CYLD: variants seen among roughly 807,000 people sequenced by gnomAD.
CYLD encodes ubiquitin carboxyl-terminal hydrolase CYLD.
In CYLD, 26 loss-of-function variants were observed where a neutral mutation model predicts 104.5. That is an observed-to-expected ratio of 0.25 (90% CI 0.18 to 0.35). The LOEUF (loss-of-function observed/expected upper bound fraction) is 0.35, where lower values mean the gene tolerates loss of function less well. CYLD is among the 10% of genes least tolerant of loss of function. CYLD has a pLI of 1.00. For synonymous variants in CYLD, 385 were observed against 399.9 expected (o/e 0.96, Z 0.45); for missense variants, 703 against 1,136.1 (o/e 0.62, Z 5.48).
In CYLD at chr16:50,794,493, G is replaced by A; in HGVS notation, c.2686+65G>A. On this transcript the variant is annotated intron_variant, in intron 18 of 18. Transcript: ENST00000427738. The surrounding 1 kb of genome is among the most constrained non-coding windows in gnomAD (Gnocchi z 4.1). The stretch of plus-strand genomic sequence containing the variant: ...CTGGTTTGTAGTGGGACAGTTTGTA[G>A]TGGGATCGCCTGTTCTGAGTGATAT... 7.0e-7 allele frequency: 1 copy of A among 1,425,516 alleles called. No homozygotes were observed. Among genetic ancestry groups the A allele is most frequent in the African/African-American group, 1.4e-5 (1 of 71,134 alleles). The allele number at this position is 1,425,516 out of a possible 1,614,324, so 88.3% of individuals were successfully genotyped here.
intron 7 of CYLD, among the ~76,000 whole-genome samples, chr16:50,776,946 G>A (rs558763849): frequency 1.3e-5 from 2 of 152,280 alleles, no homozygotes; most frequent in South Asian, 2.1e-4. Context: ...TGACATTGGG[G>A]CCTGGGAGAC....
At chr16:50,752,775 T>G (rs1190143620) in intron 4 of CYLD, among the ~76,000 whole-genome samples, 2 of 152,222 alleles carry the variant, frequency 1.3e-5, no homozygotes, top group African/African-American at 4.8e-5. Flanking sequence ...ACATTTGACC[T>G]TTTGTTTGTG....
rs1211104702 is a variant in CYLD, at chr16:50,794,234, T to G, written c.2492T>G (p.Leu831Arg). Residue 831 changes from leucine to arginine, a missense_variant, in exon 18 of 19, where the codon CTG becomes CGG. This residue lies in a region of CYLD where 130 missense variants were observed against 220.2 expected (regional missense o/e 0.59). Coordinates refer to ENST00000427738, the MANE Select transcript of CYLD (RefSeq NM_001378743.1). The surrounding 1 kb of genome is among the most constrained non-coding windows in gnomAD (Gnocchi z 4.1). The part of the protein sequence containing the change: ...NTQVHLHPKR[L>R]NHKYNPVSLP... ...TAGGTCCACCTTCATCCGAAGAGGC[T>G]GAATCATAAATATAACCCAGTGTCA... 6.2e-7 allele frequency: 1 copy of G among 1,614,190 alleles called. No individual in the cohort carries two copies. The highest frequency in any genetic ancestry group is 2.2e-5 in the East Asian group (1 of 44,880).
At chr16:50,744,316 C>G (rs1314153388) in intron 2 of CYLD, among the ~76,000 whole-genome samples, 1 of 152,008 alleles carries the variant, frequency 6.6e-6, no homozygotes, top group Non-Finnish European at 1.5e-5. Flanking sequence ...ATCTCTGTAT[C>G]TCTATTCTTT....
In CYLD at chr16:50,754,429, G is replaced by T. The variant is rs200435608; in HGVS notation, c.913+5G>T. The T allele has an allele frequency of 1.2e-4, 187 of 1,567,554 alleles. No individual in the cohort carries two copies. Among genetic ancestry groups the T allele is most frequent in the Admixed American group, 1.8e-4 (11 of 59,812 alleles). On this transcript the variant is annotated splice_donor_5th_base_variant and intron_variant, in intron 5 of 18. Transcript: ENST00000427738. ...ACATCAATGATATCATCCCAGGTAT[G>T]TTTTCTTTGTTTTATACATTTATAA...
chr16:50,800,110 T>C lies in CYLD; in HGVS notation c.*3602T>C, dbSNP rs989736778. 2 of 233,098 alleles carry C rather than the reference T, an allele frequency of 8.6e-6. No homozygotes were observed. The highest frequency in any genetic ancestry group is 1.7e-5 in the Non-Finnish European group (2 of 118,018). The allele number at this position is 233,098 out of a possible 1,614,324, so 14.4% of individuals were successfully genotyped here. On this transcript the variant is annotated 3_prime_UTR_variant, in exon 19 of 19. Coordinates refer to ENST00000427738, the MANE Select transcript of CYLD (RefSeq NM_001378743.1). ...CTAGCCCTGTTTCTGTCACTTGCTC[T>C]GTACACTTAGACAACAGCTTGACCT...
intron 14 of CYLD, among the ~76,000 whole-genome samples, chr16:50,789,512 C>T (rs896004124): frequency 2.6e-5 from 4 of 152,008 alleles, no homozygotes; most frequent in African/African-American, 7.3e-5. Flanking sequence ...AGTCTGAATG[C>T]CTTGTGGGAC....
chr16:50,755,125 A>G (rs193182654), intron 5 of CYLD, among the ~76,000 whole-genome samples: 35 of 44,608 alleles, frequency 7.8e-4, no homozygotes, highest in East Asian at 6.3e-3. Flanking sequence ...ACACATGTGT[A>G]TATATACACA....
chr16:50,778,141 A>C (rs1969871165), intron 8 of CYLD, 200 bp downstream of exon 8: 2 of 517,552 alleles, frequency 3.9e-6, no homozygotes, highest in Admixed American at 6.6e-5. Context: ...GAAATGTATT[A>C]GTAATTTGTT....
chr16:50,756,983 C>T (rs756327701), intron 5 of CYLD, among the ~76,000 whole-genome samples: 1 of 152,162 alleles, frequency 6.6e-6, no homozygotes, highest in Non-Finnish European at 1.5e-5. Flanking sequence ...GAAAACCATA[C>T]TTCTCAGTCT....
chr16:50,791,582 T>C lies in CYLD; in HGVS notation c.2133T>C (p.Asp711=), dbSNP rs1971437053. 6.2e-7 allele frequency: 1 copy of C among 1,613,882 alleles called. No homozygotes were observed. Among genetic ancestry groups the C allele is most frequent in the Non-Finnish European group, 8.5e-7 (1 of 1,179,840 alleles). ...KIRSAGQKVQ[D]CYFYQIFMEK... is the part of the protein sequence containing the mutation. ...GATCAGCAGGTCAAAAGGTACAAGATTGTTACTTCTATCAAATTTTTATGG... is the reference window on the plus strand; with the variant it reads ...GATCAGCAGGTCAAAAGGTACAAGACTGTTACTTCTATCAAATTTTTATGG... Residue 711 remains aspartate, a synonymous_variant, in exon 15 of 19, where the codon GAT becomes GAC. Coordinates refer to ENST00000427738, the MANE Select transcript of CYLD (RefSeq NM_001378743.1).
rs1597042325 is a variant in CYLD, at chr16:50,776,265, C to T, written c.1009C>T (p.Pro337Ser). ...GDKGSSSHNK[P>S]KATGSTSDPG... ...CAAAGGTTCATCCAGTCATAATAAA[C>T]CAAAGGCTACAGGTATGGATTAATA... Residue 337 changes from proline to serine, a missense_variant, in exon 7 of 19, where the codon CCA (proline) becomes TCA (serine). Pro to Ser is a moderately conservative substitution (Grantham distance 74). Transcript: ENST00000427738. The T allele has an allele frequency of 2.5e-6, 4 of 1,611,864 alleles. No homozygotes were observed. In the East Asian group the frequency reaches 8.9e-5, roughly 36 times the overall value.
At chr16:50,748,067 G>A (rs1966340497) in intron 2 of CYLD, among the ~76,000 whole-genome samples, 1 of 152,118 alleles carries the variant, frequency 6.6e-6, no homozygotes, top group African/African-American at 2.4e-5. Flanking sequence ...CTAAAATTTG[G>A]TTCTTTAGGA....
At chr16:50,783,502 A>C (rs892587685) in intron 11 of CYLD, among the ~76,000 whole-genome samples, 1 of 152,034 alleles carries the variant, frequency 6.6e-6, no homozygotes, top group Non-Finnish European at 1.5e-5. Context: ...ATATTAGCTA[A>C]ATTTTCTTTT....
rs557317517 is a variant in CYLD at position 50,773,147 on chromosome 16, G to A, written c.914-2019G>A. On this transcript the variant is annotated intron_variant, in intron 5 of 18. Transcript: ENST00000427738. ...GAATTATGCTCTTGTGGCTGCTGAT[G>A]TTAAGCGGTACATTAATTAAACAAT... is the stretch of plus-strand genomic sequence containing the variant. 3.3e-5 allele frequency among the ~76,000 whole-genome samples: 5 copies of A among 152,318 alleles called. No homozygotes were observed. In the East Asian group the frequency reaches 5.8e-4, roughly 18 times the overall value.
Position 50,751,733 on chromosome 16 carries a change from T to C in CYLD, c.634T>C (p.Leu212=), listed in dbSNP as rs1353759220. 6.2e-7 allele frequency: 1 copy of C among 1,613,764 alleles called. No homozygotes were observed. Among genetic ancestry groups the C allele is most frequent in the Admixed American group, 1.7e-5 (1 of 59,968 alleles). Residue 212 remains leucine, a synonymous_variant, in exon 4 of 19, where the codon TTG becomes CTG. Coordinates refer to ENST00000427738, the MANE Select transcript of CYLD (RefSeq NM_001378743.1). ...LELIEDDDTA[L]ESDYAGPGDT... ...ACTCATAGAAGATGATGACACTGCA[T>C]TGGAAAGTGATTACGCAGGTCCTGG...
In CYLD at chr16:50,794,907, A is replaced by G. The variant is rs1460777345; in HGVS notation, c.2686+479A>G. 1 of 200,480 alleles carries G rather than the reference A, an allele frequency of 5.0e-6. No homozygotes were observed. Among genetic ancestry groups the G allele is most frequent in the African/African-American group, 2.4e-5 (1 of 42,332 alleles). 12.4% of individuals were successfully genotyped at this position (200,480 alleles called of 1,614,324 possible). A position where few individuals can be genotyped will look rare whatever the true frequency, so the allele number is the denominator to read the frequency against. On this transcript the variant is annotated intron_variant, in intron 18 of 18. Coordinates refer to ENST00000427738, the MANE Select transcript of CYLD (RefSeq NM_001378743.1). The surrounding 1 kb of genome is among the most constrained non-coding windows in gnomAD (Gnocchi z 4.1). ...ATGTGCTGGGATTACAAGAGGAGCC[A>G]GTGCACCCAGCCTCATATTGTGATA... is the stretch of plus-strand genomic sequence containing the variant.
At chr16:50,756,365 G>A (rs1448386693) in intron 5 of CYLD, among the ~76,000 whole-genome samples, 1 of 152,232 alleles carries the variant, frequency 6.6e-6, no homozygotes, top group Admixed American at 6.5e-5. Flanking sequence ...CTAATGTACT[G>A]TGGAGAAGAT....
Position 50,782,916 on chromosome 16 carries a change from ATTTTTTTTTTTT to A in CYLD, c.1826+465_1826+476del, listed in dbSNP as rs386384680. On this transcript the variant is annotated intron_variant, in intron 11 of 18. Transcript: ENST00000427738. ...TTTTTCCAAAGTGGAACAACTTAAG[ATTTTTTTTTTTT>A]TTTTTTTTTTTTTTGAGACAGAGTC... 8.8e-4 allele frequency among the ~76,000 whole-genome samples: 77 copies of A among 87,720 alleles called. 1 individual carries two copies. The highest frequency in any genetic ancestry group is 2.1e-4 in the Non-Finnish European group (10 of 47,682). 57.5% of individuals were successfully genotyped at this position (87,720 alleles called of 152,430 possible).
Sources: allele counts gnomAD v4.1 joint callset (sites outside exome capture counted in the v4.1 genomes callset), GRCh38; gene constraint gnomAD v4.1.1; regional missense constraint gnomAD v4.1.1; non-coding constraint Gnocchi (gnomAD v3.1); transcripts MANE v1.5; gene names NCBI Gene and HGNC (gene_info 2026-07-23, HGNC 2026-07-21).